SYNE3: variants seen among roughly 807,000 people sequenced by gnomAD.
SYNE3 encodes spectrin repeat containing nuclear envelope family member 3.
Under a neutral mutation model 111.2 loss-of-function variants are expected in SYNE3, and 100 were observed. The observed-to-expected ratio is 0.90, with a 90% confidence interval of 0.77 to 1.06. SYNE3 has a LOEUF of 1.06. SYNE3 is among the 50% of genes least tolerant of loss of function. The pLI, the probability that SYNE3 is intolerant of heterozygous loss-of-function variation, is 0.00. For missense variants in SYNE3, 1,160 were observed against 1,240.3 expected, an observed-to-expected ratio of 0.94 and a Z score of 0.97; for synonymous variants, 547 against 533.9, an observed-to-expected ratio of 1.02 and a Z score of -0.34.
chr14:95,440,799 C>T (rs1326824334), intron 11 of SYNE3, among the ~76,000 whole-genome samples: 4 of 152,190 alleles, frequency 2.6e-5, no homozygotes, highest in East Asian at 1.9e-4. Context: ...TGGGCATGAC[C>T]GCAGGCACAG....
chr14:95,496,177 C>T lies in SYNE3; in HGVS notation c.-14-20342G>A, dbSNP rs913140474. ...TCTCCTTTCCAAAGCTTGGGAGATG[C>T]TTAATTCACTTAATGACAAATCCTT... On this transcript the variant is annotated intron_variant, in intron 1 of 17. Transcript: ENST00000682763. Among the ~76,000 whole-genome samples the T allele has an allele frequency of 3.9e-5, 6 of 152,224 alleles. No homozygotes were observed. The South Asian group carries it at 1.2e-3, about 31-fold the overall frequency.
intron 1 of SYNE3, among the ~76,000 whole-genome samples, chr14:95,489,344 C>T (rs77954613): frequency 0.01 from 1,544 of 152,328 alleles, 27 homozygotes; most frequent in African/African-American, 0.035. Flanking sequence ...CATGCAGCTG[C>T]CAGGGGTTCT....
intron 17 of SYNE3, among the ~76,000 whole-genome samples, chr14:95,420,507 T>C (rs1595170123): frequency 6.6e-6 from 1 of 152,218 alleles, no homozygotes; most frequent in Non-Finnish European, 1.5e-5. Flanking sequence ...GCCTTGGCCA[T>C]GATCCTCTGG....
chr14:95,459,683 G>A (rs576536634), intron 4 of SYNE3, among the ~76,000 whole-genome samples: 183 of 152,240 alleles, frequency 1.2e-3, no homozygotes, highest in African/African-American at 3.9e-3. Flanking sequence ...GCTCCTCACC[G>A]AATCTAGAAA....
At chr14:95,513,736 ATTATATAT>A (rs938449839) in intron 1 of SYNE3, among the ~76,000 whole-genome samples, 3 of 36,416 alleles carry the variant, frequency 8.2e-5, no homozygotes, top group African/African-American at 3.8e-4. Flanking sequence ...GGCTGCTTAG[ATTATATAT>A]ATATATATAT....
At chr14:95,484,104 T>C (rs904212914) in intron 1 of SYNE3, among the ~76,000 whole-genome samples, 4 of 152,178 alleles carry the variant, frequency 2.6e-5, no homozygotes, top group African/African-American at 9.7e-5. Context: ...AGGCATAGTC[T>C]GGAGGATGCC....
intron 17 of SYNE3, among the ~76,000 whole-genome samples, chr14:95,427,349 C>T (rs1008537635): frequency 2.6e-5 from 4 of 152,296 alleles, no homozygotes; most frequent in South Asian, 2.1e-4. Flanking sequence ...GAAGACTCTA[C>T]TCCTCCACCT....
intron 4 of SYNE3, among the ~76,000 whole-genome samples, chr14:95,462,310 G>T (rs887647735): frequency 6.6e-6 from 1 of 152,206 alleles, no homozygotes; most frequent in African/African-American, 2.4e-5. Flanking sequence ...AGAGCTGACC[G>T]GGCTCCCTGT....
intron 11 of SYNE3, among the ~76,000 whole-genome samples, chr14:95,442,015 A>G (rs1167677097): frequency 6.6e-6 from 1 of 152,232 alleles, no homozygotes; most frequent in Admixed American, 6.5e-5. Context: ...CCTGCTTGGC[A>G]TGACCTGAGC....
intron 4 of SYNE3, among the ~76,000 whole-genome samples, chr14:95,461,239 A>G (rs1169829330): frequency 2.0e-5 from 3 of 152,232 alleles, no homozygotes; most frequent in South Asian, 4.1e-4. Flanking sequence ...ATTCATCACA[A>G]GCAGCTCTGA....
At position 95,452,261 on chromosome 14, in the gene SYNE3, G is replaced by C. The variant is rs1887133031; in HGVS notation, c.1260C>G (p.Ile420Met). 1 of 1,610,512 alleles carries C rather than the reference G, an allele frequency of 6.2e-7. No homozygotes were observed. The highest frequency in any genetic ancestry group is 1.7e-5 in the Admixed American group (1 of 59,782). The change falls in exon 7 of 18, where the codon ATC (isoleucine) becomes ATG (methionine). Residue 420 changes from isoleucine (I) to methionine (M), a missense_variant. Ile to Met is a conservative substitution (Grantham distance 10). Transcript: ENST00000682763. ...TTCCCAGATACCTCTGATACTCCTG[G>C]ATGGTAGCGATGACACTATCAGAGA... ...KPLSDSVIAT[I>M]QEYQSLKVKS... is the part of the protein sequence containing the mutation.
At chr14:95,488,491 C>A (rs1011177029) in intron 1 of SYNE3, among the ~76,000 whole-genome samples, 1 of 151,984 alleles carries the variant, frequency 6.6e-6, no homozygotes, top group African/African-American at 2.4e-5. Flanking sequence ...TGTGTAAATA[C>A]CTAGGAGTGG....
At chr14:95,499,574 A>G (rs1890245330) in intron 1 of SYNE3, among the ~76,000 whole-genome samples, 1 of 152,076 alleles carries the variant, frequency 6.6e-6, no homozygotes, top group Non-Finnish European at 1.5e-5. Flanking sequence ...TAACATTACT[A>G]AGTACCCATG....
Position 95,410,605 on chromosome 14 carries a change from A to G in SYNE3, c.*7221T>C, listed in dbSNP as rs1903408658. 6.6e-6 allele frequency: 1 copy of G among 152,304 alleles called. No homozygotes were observed. The highest frequency in any genetic ancestry group is 6.5e-5 in the Admixed American group (1 of 15,284). The allele number at this position is 152,304 out of a possible 1,614,324, so 9.4% of individuals were successfully genotyped here. On this transcript the variant is annotated 3_prime_UTR_variant, in exon 18 of 18. Transcript: ENST00000682763. The stretch of plus-strand genomic sequence containing the variant: ...TCCTGGGCCATGAAGTGACTGTGAT[A>G]TAAAGGAAGGACAGTTGCAAAGCCT...
chr14:95,458,946 C>T (rs1887627938), intron 4 of SYNE3, among the ~76,000 whole-genome samples: 1 of 152,238 alleles, frequency 6.6e-6, no homozygotes, highest in African/African-American at 2.4e-5. Context: ...ACAAAACCCT[C>T]CTATTCTGCA....
chr14:95,470,983 A>G lies in SYNE3; in HGVS notation c.145-3016T>C, dbSNP rs946765525. ...CAACAGAGCAACACGCCGTCTCAGG[A>G]AAAAAAAAAAAAGAAAGTAAGATGA... On this transcript the variant is annotated intron_variant, in intron 2 of 17. Transcript: ENST00000682763. This position sits in a 1 kb window ranked among gnomAD's most constrained non-coding sequence, Gnocchi z 4.2. 3.0e-5 allele frequency among the ~76,000 whole-genome samples: 4 copies of G among 133,196 alleles called. No homozygotes were observed. The highest frequency in any genetic ancestry group is 2.2e-4 in the East Asian group (1 of 4,480). The allele number at this position is 133,196 out of a possible 152,430, so 87.4% of individuals were successfully genotyped here.
At chr14:95,493,131 T>G (rs933017242) in intron 1 of SYNE3, among the ~76,000 whole-genome samples, 2 of 152,154 alleles carry the variant, frequency 1.3e-5, no homozygotes, top group Non-Finnish European at 2.9e-5. Flanking sequence ...AGGAAGTTTT[T>G]CCTTCCAGGA....
Position 95,457,161 on chromosome 14 carries a change from C to A in SYNE3, c.789+16G>T. On this transcript the variant is annotated intron_variant, in intron 5 of 17. Transcript: ENST00000682763. The stretch of plus-strand genomic sequence containing the variant: ...GTCCCTAGGGTCCCTCTGGTTGAGA[C>A]ACAGCTGGGGATTACCTGCAGTGTG... 1 of 1,611,380 alleles carries A rather than the reference C, an allele frequency of 6.2e-7. No individual in the cohort carries two copies. Among genetic ancestry groups the A allele is most frequent in the Non-Finnish European group, 8.5e-7 (1 of 1,178,774 alleles).
At chr14:95,439,195 A>G (rs1300274132) in intron 13 of SYNE3, 33 bp from the exon 14 acceptor site, 1 of 1,613,500 alleles carries the variant, frequency 6.2e-7, no homozygotes, top group East Asian at 2.2e-5. Flanking sequence ...GTCAATGCAG[A>G]GATGTGGTGG....
Sources: allele counts gnomAD v4.1 joint callset (sites outside exome capture counted in the v4.1 genomes callset), GRCh38; gene constraint gnomAD v4.1.1; non-coding constraint Gnocchi (gnomAD v3.1); transcripts MANE v1.5; gene names NCBI Gene and HGNC (gene_info 2026-07-23, HGNC 2026-07-21).